PCNX2: variants seen among roughly 807,000 people sequenced by gnomAD.
PCNX2 encodes pecanex-like protein 2.
A neutral mutation model predicts 223.8 loss-of-function variants in PCNX2; 168 were observed. That is an observed-to-expected ratio of 0.75 (90% CI 0.66 to 0.85). The LOEUF (loss-of-function observed/expected upper bound fraction) is 0.85. Among genes scored for constraint, PCNX2 ranks in the 40% least tolerant of loss-of-function variants. The pLI is 0.00. For synonymous variants in PCNX2, 1,006 were observed against 1,052.6 expected (o/e 0.96, Z 0.86); for missense variants, 2,507 against 2,675.5 (o/e 0.94, Z 1.39).
intron 25 of PCNX2, among the ~76,000 whole-genome samples, chr1:233,026,982 A>G (rs1480031160): frequency 6.6e-6 from 1 of 152,208 alleles, no homozygotes; most frequent in African/African-American, 2.4e-5. Context: ...CTATATGCTA[A>G]TAAGAGAGTG....
rs781039952 is a variant in PCNX2 at position 232,995,106 on chromosome 1, A to C, written c.5791+3145T>G. On this transcript the variant is annotated intron_variant, in intron 32 of 33. Transcript: ENST00000258229. ...ACTCAGGATGGTGTTGGTAGAGTAG[A>C]ACCTGAGAACTGTTACTGTTATCAA... Among the ~76,000 whole-genome samples, 8 of 152,194 alleles carry C rather than the reference A, an allele frequency of 5.3e-5. No individual in the cohort carries two copies. In the East Asian group the frequency reaches 5.8e-4, roughly 11 times the overall value.
At chr1:233,243,967 G>T (rs188214789) in intron 8 of PCNX2, among the ~76,000 whole-genome samples, 158 of 152,224 alleles carry the variant, frequency 1.0e-3, no homozygotes, top group African/African-American at 3.7e-3. Flanking sequence ...AAGCAGCTGG[G>T]ACTACAGGCA....
At chr1:233,180,868 A>T (rs770151505) in intron 15 of PCNX2, 31 of 152,340 alleles carry the variant, frequency 2.0e-4, no homozygotes, top group Admixed American at 1.4e-3. Context: ...CCACACCAGG[A>T]CGCCCTGCAT....
Position 232,986,459 on chromosome 1 carries a change from G to A in PCNX2, c.5873C>T (p.Pro1958Leu). 6.2e-7 allele frequency: 1 copy of A among 1,605,362 alleles called. No individual in the cohort carries two copies. The highest frequency in any genetic ancestry group is 8.5e-7 in the Non-Finnish European group (1 of 1,175,322). Residue 1958 changes from proline to leucine, a missense_variant, in exon 33 of 34, where the codon CCC becomes CTC. Pro to Leu is a moderately conservative substitution (Grantham distance 98). Coordinates refer to ENST00000258229, the MANE Select transcript of PCNX2 (RefSeq NM_014801.4). ...QRPPMLSSSG[P>L]ILESRQTFLQ... Reference sequence around the variant, plus strand: ...GAATGTTTGGCGGCTCTCTAAGATGGGGCCAGATGAGCTCAGCATGGGCGG... The same window carrying A: ...GAATGTTTGGCGGCTCTCTAAGATGAGGCCAGATGAGCTCAGCATGGGCGG...
chr1:232,995,892 C>T (rs1182865610), intron 32 of PCNX2, among the ~76,000 whole-genome samples: 1 of 152,052 alleles, frequency 6.6e-6, no homozygotes, highest in Non-Finnish European at 1.5e-5. Flanking sequence ...CCCTCCTCTC[C>T]CCCCACCCAG....
intron 17 of PCNX2, among the ~76,000 whole-genome samples, chr1:233,167,276 C>G (rs566546076): frequency 6.6e-6 from 1 of 151,314 alleles, no homozygotes; most frequent in Non-Finnish European, 1.5e-5. Flanking sequence ...TTTTGCTAAG[C>G]GAAATAACCC....
Position 232,983,998 on chromosome 1 carries a change from G to T in PCNX2, c.*306C>A. 4 of 253,838 alleles carry T rather than the reference G, an allele frequency of 1.6e-5. No individual in the cohort carries two copies. The highest frequency in any genetic ancestry group is 3.0e-5 in the Non-Finnish European group (4 of 135,018). The allele number at this position is 253,838 out of a possible 1,614,324, so 15.7% of individuals were successfully genotyped here. ...CTGGAACATGTGTGGTGCTGTCCGC[G>T]GTGTGCCGCTCTGGGCAGCGCTGTG... On this transcript the variant is annotated 3_prime_UTR_variant, in exon 34 of 34. Transcript: ENST00000258229.
chr1:233,133,446 G>A (rs1342258698), intron 21 of PCNX2, among the ~76,000 whole-genome samples: 1 of 152,162 alleles, frequency 6.6e-6, no homozygotes, highest in Non-Finnish European at 1.5e-5. Flanking sequence ...CAAGGCCAGG[G>A]TCTACAATAA....
intron 1 of PCNX2, chr1:233,291,035 C>A: frequency 2.0e-6 from 2 of 985,412 alleles, no homozygotes; most frequent in Non-Finnish European, 2.4e-6. Context: ...AATCATAATT[C>A]CACTGCAGGT....
At chr1:233,254,670 T>A (rs530581647) in intron 5 of PCNX2, among the ~76,000 whole-genome samples, 1 of 151,456 alleles carries the variant, frequency 6.6e-6, no homozygotes, top group South Asian at 2.1e-4. Flanking sequence ...TTGATATATA[T>A]CACACCAGTC....
chr1:233,093,439 T>C (rs921267847), intron 22 of PCNX2, among the ~76,000 whole-genome samples: 1 of 152,206 alleles, frequency 6.6e-6, no homozygotes, highest in African/African-American at 2.4e-5. Context: ...AATGCTGAGA[T>C]GGAGCCCACA....
chr1:232,986,055 C>G (rs532284250), intron 33 of PCNX2, 37 bp downstream of exon 33: 2 of 1,548,724 alleles, frequency 1.3e-6, no homozygotes, highest in Admixed American at 3.9e-5. Flanking sequence ...GTGCCACCAT[C>G]CCAGCCTGTC....
intron 19 of PCNX2, among the ~76,000 whole-genome samples, chr1:233,153,945 C>T (rs72765733): frequency 0.11 from 16,075 of 152,128 alleles, 1,101 homozygotes; most frequent in East Asian, 0.26. Context: ...AACTGAGAGA[C>T]AAGATTTGCT....
intron 21 of PCNX2, among the ~76,000 whole-genome samples, chr1:233,121,849 G>T (rs778697848): frequency 6.6e-6 from 1 of 152,166 alleles, no homozygotes; most frequent in Non-Finnish European, 1.5e-5. Context: ...CTAGATATGT[G>T]TATATACAGA....
intron 17 of PCNX2, among the ~76,000 whole-genome samples, chr1:233,171,907 G>A (rs1425543129): frequency 6.6e-6 from 1 of 151,522 alleles, no homozygotes; most frequent in Non-Finnish European, 1.5e-5. Flanking sequence ...TTATGTTCTG[G>A]GTACTTTCTT....
intron 19 of PCNX2, among the ~76,000 whole-genome samples, chr1:233,159,949 G>A (rs1678366007): frequency 6.6e-6 from 1 of 152,076 alleles, no homozygotes; most frequent in Non-Finnish European, 1.5e-5. Context: ...AGTTTTTGTG[G>A]GAACAGCATA....
chr1:233,045,911 T>C (rs1671807939), intron 25 of PCNX2, among the ~76,000 whole-genome samples: 1 of 152,256 alleles, frequency 6.6e-6, no homozygotes, highest in Non-Finnish European at 1.5e-5. Context: ...CCTTGTCCAA[T>C]AGCTGCAAAG....
chr1:233,072,181 CA>C (rs1269408275), intron 23 of PCNX2, among the ~76,000 whole-genome samples: 28 of 152,296 alleles, frequency 1.8e-4, no homozygotes, highest in African/African-American at 4.8e-4. Flanking sequence ...GCTTTTGTTG[CA>C]ATTGCTTTTG....
intron 1 of PCNX2, among the ~76,000 whole-genome samples, chr1:233,264,260 A>AT (rs1660214609): frequency 6.6e-6 from 1 of 152,128 alleles, no homozygotes; most frequent in Non-Finnish European, 1.5e-5. Context: ...ATGGAAAGAG[A>AT]TCCCCAAGTG....
Sources: gnomAD v4.1 joint callset for allele counts (sites outside exome capture counted in the v4.1 genomes callset) on GRCh38, gnomAD v4.1.1 for gene constraint, MANE v1.5 for transcripts, NCBI Gene and HGNC (gene_info 2026-07-23, HGNC 2026-07-21) for gene names.